The following NOL10 variants were observed in gnomAD, a reference collection of about 807,000 sequenced individuals.
NOL10 encodes the protein H_NH0074G24.1.
A neutral mutation model predicts 103.5 loss-of-function variants in NOL10; 58 were observed. The ratio of observed to expected loss-of-function variants is 0.56; its 90% CI spans 0.45 to 0.70. NOL10 has a LOEUF of 0.70. Ranked by LOEUF, NOL10 falls within the 30% of genes least tolerant of loss-of-function variation. The probability of loss-of-function intolerance (pLI) is 0.00; values close to 1 mark genes in which losing one functional copy is unlikely to be tolerated. For synonymous variants in NOL10, 287 were observed against 282.5 expected, an observed-to-expected ratio of 1.02 and a Z score of -0.16; for missense variants, 763 against 807.3, an observed-to-expected ratio of 0.95 and a Z score of 0.67.
Position 10,667,204 on chromosome 2 carries a change from C to A in NOL10, c.591+14G>T. 1.3e-6 allele frequency: 2 copies of A among 1,552,802 alleles called. No homozygotes were observed. The highest frequency in any genetic ancestry group is 2.4e-5 in the South Asian group (2 of 84,386). On this transcript the variant is annotated intron_variant, in intron 8 of 20. Transcript: ENST00000381685. ...AAACAAATATTCTAAAAAATAAAGT[C>A]AACATATGCTTACCTCTATGGTTCC...
At chr2:10,600,967 T>C in intron 16 of NOL10, 25 bp from the exon 17 acceptor site, 1 of 1,349,198 alleles carries the variant, frequency 7.4e-7, no homozygotes, top group Non-Finnish European at 1.0e-6. Context: ...AAAGCTGGTA[T>C]TTTATTTTAT....
At chr2:10,668,608 C>A in intron 7 of NOL10, 50 bp downstream of exon 7, 1 of 960,854 alleles carries the variant, frequency 1.0e-6, no homozygotes, top group Non-Finnish European at 1.6e-6. Context: ...GAGCATCTGG[C>A]TCCACCTCCT....
rs181852046 is a variant in NOL10, at chr2:10,592,750, G to T, written c.1423-2999C>A. On this transcript the variant is annotated intron_variant, in intron 17 of 20. Coordinates refer to ENST00000381685, the MANE Select transcript of NOL10 (RefSeq NM_024894.4). ...TTTCTTAATTTAAAACAAATCAATT[G>T]CATTGCCTAAAGACAAGTATGCTTT... 1.3e-3 allele frequency among the ~76,000 whole-genome samples: 203 copies of T among 152,186 alleles called. 1 individual carries two copies. Among genetic ancestry groups the T allele is most frequent in the African/African-American group, 4.7e-3 (194 of 41,508 alleles).
At chr2:10,582,743 C>T (rs1674827969) in intron 19 of NOL10, among the ~76,000 whole-genome samples, 1 of 152,204 alleles carries the variant, frequency 6.6e-6, no homozygotes, top group South Asian at 2.1e-4. Flanking sequence ...CAGTTCCTTA[C>T]CAGATGCCAC....
intron 14 of NOL10, among the ~76,000 whole-genome samples, chr2:10,603,513 TGAG>T (rs953307783): frequency 6.6e-6 from 1 of 152,006 alleles, no homozygotes; most frequent in African/African-American, 2.4e-5. Context: ...CAAATTGAAA[TGAG>T]GAGAAGGGAG....
intron 1 of NOL10, among the ~76,000 whole-genome samples, chr2:10,686,791 C>A (rs560203189): frequency 6.8e-6 from 1 of 147,338 alleles, no homozygotes; most frequent in Non-Finnish European, 1.5e-5. Context: ...CAACAGCTTG[C>A]GGGATGGAGT....
At chr2:10,630,925 T>C (rs148723511) in intron 13 of NOL10, among the ~76,000 whole-genome samples, 18 of 152,344 alleles carry the variant, frequency 1.2e-4, no homozygotes, top group African/African-American at 4.1e-4. Flanking sequence ...ACATCGTTTG[T>C]ATGCTGATAA....
chr2:10,632,281 G>A (rs1677899936), intron 13 of NOL10, among the ~76,000 whole-genome samples: 1 of 152,194 alleles, frequency 6.6e-6, no homozygotes, highest in Non-Finnish European at 1.5e-5. Flanking sequence ...AAATATAGAC[G>A]TAAAGAAGTA....
At chr2:10,633,209 GTCTT>G (rs1291362159) in intron 13 of NOL10, among the ~76,000 whole-genome samples, 1 of 151,982 alleles carries the variant, frequency 6.6e-6, no homozygotes, top group East Asian at 1.9e-4. Flanking sequence ...GGCTGTGTCT[GTCTT>G]TCTTTTTTAT....
intron 13 of NOL10, among the ~76,000 whole-genome samples, chr2:10,617,304 T>C (rs1237613478): frequency 6.6e-6 from 1 of 151,978 alleles, no homozygotes; most frequent in Admixed American, 6.6e-5. Flanking sequence ...GAGAGAGCAA[T>C]GGTGAGCAGG....
At chr2:10,578,995 G>A (rs1022545443) in intron 19 of NOL10, among the ~76,000 whole-genome samples, 9 of 152,228 alleles carry the variant, frequency 5.9e-5, no homozygotes, top group African/African-American at 1.4e-4. Flanking sequence ...GCTGAACTGT[G>A]TGAAAGAGTC....
intron 19 of NOL10, among the ~76,000 whole-genome samples, chr2:10,579,043 T>C (rs183496877): frequency 1.1e-4 from 17 of 152,354 alleles, no homozygotes; most frequent in Admixed American, 1.1e-3. Context: ...AACTAATTAC[T>C]GAGAGCACAG....
intron 9 of NOL10, among the ~76,000 whole-genome samples, chr2:10,659,823 C>A (rs542104190): frequency 8.5e-5 from 13 of 152,320 alleles, no homozygotes; most frequent in African/African-American, 3.1e-4. Context: ...CATCCCCTTT[C>A]ATACTTAAGA....
At chr2:10,658,027 G>A (rs1366658966) in intron 10 of NOL10, 136 bp from the exon 11 acceptor site, 1 of 531,962 alleles carries the variant, frequency 1.9e-6, no homozygotes, top group African/African-American at 1.9e-5. Context: ...TCAAGGTGCT[G>A]AGATTTGAGA....
intron 17 of NOL10, among the ~76,000 whole-genome samples, chr2:10,593,490 G>C (rs1373880369): frequency 6.6e-6 from 1 of 152,134 alleles, no homozygotes; most frequent in African/African-American, 2.4e-5. Flanking sequence ...GGCTGGTACA[G>C]ACTTCTGAGT....
At chr2:10,688,006 G>A (rs1403439531) in intron 1 of NOL10, among the ~76,000 whole-genome samples, 1 of 152,102 alleles carries the variant, frequency 6.6e-6, no homozygotes, top group African/African-American at 2.4e-5. Flanking sequence ...CTCCATGTCA[G>A]TTAGCAGCAC....
intron 3 of NOL10, among the ~76,000 whole-genome samples, chr2:10,681,486 GA>G (rs1211309904): frequency 2.0e-5 from 3 of 152,078 alleles, no homozygotes; most frequent in Non-Finnish European, 4.4e-5. Context: ...TTTTCTGCAG[GA>G]AAAAAATGTT....
At chr2:10,616,217 ATTTTTTTTTTTTTTTTT>A (rs533351651) in intron 13 of NOL10, among the ~76,000 whole-genome samples, 2 of 95,602 alleles carry the variant, frequency 2.1e-5, no homozygotes, top group African/African-American at 4.8e-5. Flanking sequence ...ACCACCCTGC[ATTTTTTTTTTTTTTTTT>A]TTTTTTTTTT....
At chr2:10,666,732 A>G (rs976675628) in intron 8 of NOL10, among the ~76,000 whole-genome samples, 8 of 152,014 alleles carry the variant, frequency 5.3e-5, no homozygotes, top group Admixed American at 5.2e-4. Context: ...GGAGAACTAC[A>G]GTAGAATACA....
Sources: allele counts gnomAD v4.1 joint callset (sites outside exome capture counted in the v4.1 genomes callset), GRCh38; gene constraint gnomAD v4.1.1; transcripts MANE v1.5; gene names NCBI Gene and HGNC (gene_info 2026-07-23, HGNC 2026-07-21).